Variants in UBE3B observed in about 807,000 individuals in gnomAD.
UBE3B encodes the protein ubiquitin-protein ligase E3B.
Under a neutral mutation model 132.3 loss-of-function variants are expected in UBE3B, and 80 were observed. That is an observed-to-expected ratio of 0.60 (90% CI 0.50 to 0.73). The LOEUF is 0.73. Among genes scored for constraint, UBE3B ranks in the 30% least tolerant of loss-of-function variants. The probability of loss-of-function intolerance (pLI) is 0.00; values close to 1 mark genes in which losing one functional copy is unlikely to be tolerated. For synonymous variants in UBE3B, 487 were observed against 520.4 expected (o/e 0.94, Z 0.87); for missense variants, 1,196 against 1,362.5 (o/e 0.88, Z 1.92).
chr12:109,507,491 C>T (rs1879836009), intron 14 of UBE3B, 73 bp from the exon 15 acceptor site: 11 of 1,505,330 alleles, frequency 7.3e-6, no homozygotes, highest in Non-Finnish European at 9.9e-6. Context: ...TTTTGTTTCC[C>T]CACTGGATAG....
At chr12:109,523,316 C>G (rs966515848) in intron 21 of UBE3B, among the ~76,000 whole-genome samples, 1 of 152,234 alleles carries the variant, frequency 6.6e-6, no homozygotes, top group Non-Finnish European at 1.5e-5. Flanking sequence ...TCTCGCCAGC[C>G]CATTCCCCAC....
rs148696226 is a variant in UBE3B at position 109,483,877 on chromosome 12, T to C, written c.178T>C (p.Phe60Leu). The C allele has an allele frequency of 1.1e-5, 17 of 1,610,952 alleles. No individual in the cohort carries two copies. The African/African-American group carries it at 1.7e-4, about 16-fold the overall frequency. Residue 60 changes from phenylalanine (F) to leucine (L), a missense_variant, in exon 4 of 28, where the codon TTT (phenylalanine) becomes CTT (leucine). Physicochemically the swap from Phe to Leu is conservative, Grantham distance 22. Transcript: ENST00000342494. ...CTTTTCTAGGAGAGAGATTGATGAC[T>C]TTTTTAAAGCAGATGACCCTGAGTC... ...QRDIRREIDD[F>L]FKADDPESTK... is the part of the protein sequence containing the mutation.
intron 4 of UBE3B, among the ~76,000 whole-genome samples, chr12:109,485,353 T>A (rs1319241223): frequency 6.6e-6 from 1 of 152,192 alleles, no homozygotes; most frequent in Non-Finnish European, 1.5e-5. Context: ...ATGGAGCTCA[T>A]AGCCCAGCAA....
the UBE3B span, among the ~76,000 whole-genome samples, chr12:109,544,564 C>T: frequency 3.9e-5 from 6 of 152,160 alleles, no homozygotes; most frequent in African/African-American, 1.4e-4. Flanking sequence ...GTAAGTCGGC[C>T]CTCAGCCTCT....
At chr12:109,532,118 C>G (rs1021924625) in intron 26 of UBE3B, among the ~76,000 whole-genome samples, 2 of 152,192 alleles carry the variant, frequency 1.3e-5, no homozygotes. Flanking sequence ...GGAAAGCTTC[C>G]CTCCCTCCTT....
chr12:109,541,818 A>G, the UBE3B span, among the ~76,000 whole-genome samples: 3 of 152,120 alleles, frequency 2.0e-5, no homozygotes, highest in African/African-American at 7.2e-5. Context: ...CTGTAACTGT[A>G]TCACTCCCAT....
At chr12:109,527,700 C>T (rs372705093) in intron 24 of UBE3B, among the ~76,000 whole-genome samples, 8 of 151,936 alleles carry the variant, frequency 5.3e-5, no homozygotes, top group African/African-American at 1.5e-4. Context: ...TTGGGAGGGA[C>T]TGCCTGCAAG....
Position 109,503,708 on chromosome 12 carries a change from T to A in UBE3B, c.1450+518T>A, listed in dbSNP as rs1400506232. Among the ~76,000 whole-genome samples, 6 of 152,260 alleles carry A rather than the reference T, an allele frequency of 3.9e-5. No individual in the cohort carries two copies. The East Asian group carries it at 1.2e-3, about 29-fold the overall frequency. On this transcript the variant is annotated intron_variant, in intron 14 of 27. Transcript: ENST00000342494. Reference sequence around the variant, plus strand: ...CACATGGATATGCCCAACATTTTCCTTTTTAGCTTAACATGGAGGAAAGTC... The same window carrying A: ...CACATGGATATGCCCAACATTTTCCATTTTAGCTTAACATGGAGGAAAGTC...
intron 9 of UBE3B, among the ~76,000 whole-genome samples, chr12:109,496,018 A>G (rs1430887226): frequency 1.3e-5 from 2 of 152,236 alleles, no homozygotes; most frequent in Admixed American, 6.5e-5. Flanking sequence ...TAATTCCATA[A>G]TATTTTATCA....
intron 26 of UBE3B, among the ~76,000 whole-genome samples, chr12:109,531,695 C>G (rs1464608204): frequency 6.6e-6 from 1 of 152,122 alleles, no homozygotes; most frequent in Non-Finnish European, 1.5e-5. Flanking sequence ...CACATCCCCA[C>G]AGGTCTCCGG....
intron 16 of UBE3B, among the ~76,000 whole-genome samples, chr12:109,510,018 A>G (rs574489513): frequency 2.0e-5 from 3 of 152,310 alleles, no homozygotes; most frequent in African/African-American, 7.2e-5. Flanking sequence ...TTCCGTGAAG[A>G]TAAAACATGT....
At chr12:109,518,809 A>G (rs530769459) in intron 19 of UBE3B, among the ~76,000 whole-genome samples, 12 of 152,352 alleles carry the variant, frequency 7.9e-5, no homozygotes, top group Middle Eastern at 6.8e-3. Flanking sequence ...GGCTTTAGGC[A>G]AAGTCCCTTT....
intron 2 of UBE3B, among the ~76,000 whole-genome samples, chr12:109,482,766 C>T (rs540346480): frequency 3.3e-5 from 5 of 152,134 alleles, no homozygotes; most frequent in Non-Finnish European, 5.9e-5. Context: ...TAGATAAAAA[C>T]TTAGTATATA....
At chr12:109,494,545 C>T (rs1326416536) in intron 9 of UBE3B, among the ~76,000 whole-genome samples, 1 of 152,186 alleles carries the variant, frequency 6.6e-6, no homozygotes, top group Non-Finnish European at 1.5e-5. Flanking sequence ...GTTTATCCTT[C>T]TCCTCAACCC....
chr12:109,497,205 C>T (rs1200663443), intron 9 of UBE3B, among the ~76,000 whole-genome samples: 1 of 151,758 alleles, frequency 6.6e-6, no homozygotes, highest in Non-Finnish European at 1.5e-5. Context: ...AATTCTACAA[C>T]CAGAGATACA....
chr12:109,513,337 G>A (rs957985402), intron 18 of UBE3B, among the ~76,000 whole-genome samples: 2 of 152,156 alleles, frequency 1.3e-5, no homozygotes, highest in Non-Finnish European at 2.9e-5. Flanking sequence ...TTTCTGAGGA[G>A]AACACAGTGA....
chr12:109,521,515 G>T lies in UBE3B; in HGVS notation c.2328G>T (p.Glu776Asp), dbSNP rs142640939. The T allele has an allele frequency of 6.9e-6, 11 of 1,601,510 alleles. No individual in the cohort carries two copies. The African/African-American group carries it at 1.5e-4, about 21-fold the overall frequency. Reference protein sequence around the residue: ...YIHENYLQLFEFVGKMLGKAV... With the variant: ...YIHENYLQLFDFVGKMLGKAV... Reference sequence around the variant, plus strand: ...ATGAGAATTACCTGCAGCTCTTCGAGTTTGTGGGGAAGATGCTGGGGAAGG... The same window carrying T: ...ATGAGAATTACCTGCAGCTCTTCGATTTTGTGGGGAAGATGCTGGGGAAGG... The change falls in exon 21 of 28, where the codon GAG becomes GAT. Residue 776 changes from glutamate (E) to aspartate (D), a missense_variant. By Grantham distance (45) the Glu-to-Asp change is conservative. Coordinates refer to ENST00000342494, the MANE Select transcript of UBE3B (RefSeq NM_130466.4). The surrounding 1 kb of genome is among the most constrained non-coding windows in gnomAD (Gnocchi z 4.2).
chr12:109,496,105 C>G (rs755789202), intron 9 of UBE3B, among the ~76,000 whole-genome samples: 8 of 152,224 alleles, frequency 5.3e-5, no homozygotes, highest in Non-Finnish European at 1.0e-4. Context: ...AACAACTAAT[C>G]TACTTTCTAT....
At chr12:109,516,991 A>G in intron 19 of UBE3B, 107 bp downstream of exon 19, 1 of 1,462,024 alleles carries the variant, frequency 6.8e-7, no homozygotes, top group Non-Finnish European at 9.1e-7. Context: ...TTACTCCTTG[A>G]TCTGAAATTA....
Sources: allele counts gnomAD v4.1 joint callset (sites outside exome capture counted in the v4.1 genomes callset), GRCh38; gene constraint gnomAD v4.1.1; non-coding constraint Gnocchi (gnomAD v3.1); transcripts MANE v1.5; gene names NCBI Gene and HGNC (gene_info 2026-07-23, HGNC 2026-07-21).